The following ZFHX3 variants were observed in gnomAD, a reference collection of about 807,000 sequenced individuals.
ZFHX3 encodes the protein zinc finger homeobox protein 3.
In ZFHX3, 42 loss-of-function variants were observed where a neutral mutation model predicts 279.1. The observed-to-expected ratio is 0.15, with a 90% CI of 0.12 to 0.19. The LOEUF (loss-of-function observed/expected upper bound fraction) is 0.19. ZFHX3 is among the 10% of genes least tolerant of loss of function. ZFHX3 has a pLI of 1.00. For synonymous variants in ZFHX3, 2,293 were observed against 1,957.8 expected, an observed-to-expected ratio of 1.17 and a Z score of -4.52; for missense variants, 4,981 against 4,754.0, an observed-to-expected ratio of 1.05 and a Z score of -1.40.
chr16:72,821,369 C>G (rs1038692058), intron 5 of ZFHX3, among the ~76,000 whole-genome samples: 3 of 152,170 alleles, frequency 2.0e-5, no homozygotes, highest in Admixed American at 2.0e-4. Flanking sequence ...TTGTACAGTA[C>G]AGAGAGATAG....
At chr16:73,701,285 G>T (rs1567555616) in intron 1 of ZFHX3, among the ~76,000 whole-genome samples, 1 of 152,190 alleles carries the variant, frequency 6.6e-6, no homozygotes, top group Non-Finnish European at 1.5e-5. Context: ...TTCAATTTCA[G>T]TAGCTTTTAA....
intron 3 of ZFHX3, among the ~76,000 whole-genome samples, chr16:72,901,583 C>T (rs1251632281): frequency 6.6e-6 from 1 of 152,178 alleles, no homozygotes; most frequent in Non-Finnish European, 1.5e-5. Context: ...CCCTCTAAAT[C>T]AACACTTCTG....
chr16:73,325,928 A>ACAAAAAAACACAC, intron 3 of ZFHX3, among the ~76,000 whole-genome samples: 1 of 145,572 alleles, frequency 6.9e-6, no homozygotes, highest in Non-Finnish European at 1.5e-5. Flanking sequence ...CACACACACA[A>ACAAAAAAACACAC]ACACACACAC....
chr16:73,062,751 C>G (rs993545893), upstream of ZFHX3, among the ~76,000 whole-genome samples: 1 of 151,626 alleles, frequency 6.6e-6, no homozygotes, highest in African/African-American at 2.4e-5. Context: ...AAGAAAACCC[C>G]GTGTGGAGGC....
chr16:73,158,246 G>C (rs1967143422), intron 5 of ZFHX3, among the ~76,000 whole-genome samples: 1 of 152,154 alleles, frequency 6.6e-6, no homozygotes, highest in Admixed American at 6.6e-5. Flanking sequence ...CCTCGCTACA[G>C]TGTTGAAATC....
intron 1 of ZFHX3, among the ~76,000 whole-genome samples, chr16:73,017,805 CA>C (rs2144641674): frequency 6.6e-6 from 1 of 152,262 alleles, no homozygotes; most frequent in South Asian, 2.1e-4. Context: ...AGCAGCAAAC[CA>C]AACAGGCTAA....
intron 3 of ZFHX3, among the ~76,000 whole-genome samples, chr16:73,325,040 TTTGTGTATG>T (rs1363528981): frequency 6.6e-6 from 1 of 152,154 alleles, no homozygotes; most frequent in African/African-American, 2.4e-5. Flanking sequence ...ACAAATCTCT[TTTGTGTATG>T]TTAGAGCTCA....
chr16:73,468,607 C>T (rs1182835704), intron 2 of ZFHX3, among the ~76,000 whole-genome samples: 2 of 152,076 alleles, frequency 1.3e-5, no homozygotes, highest in Non-Finnish European at 2.9e-5. Context: ...TGTGGTGGGA[C>T]ATGCCTGTAA....
chr16:73,275,794 C>T (rs1438299537), intron 4 of ZFHX3, among the ~76,000 whole-genome samples: 3 of 152,144 alleles, frequency 2.0e-5, no homozygotes, highest in Non-Finnish European at 4.4e-5. Context: ...TTGCTTGATG[C>T]AGGGTTGCCA....
At chr16:72,878,595 C>T (rs1402665446) in intron 4 of ZFHX3, among the ~76,000 whole-genome samples, 2 of 152,220 alleles carry the variant, frequency 1.3e-5, no homozygotes, top group Admixed American at 6.5e-5. Context: ...CTTTGCTCAC[C>T]GCAGTCTTAG....
intron 9 of ZFHX3, among the ~76,000 whole-genome samples, chr16:72,792,305 A>G: frequency 6.6e-6 from 1 of 152,236 alleles, no homozygotes. Flanking sequence ...TGAAATGTGC[A>G]TCAGTATTTT....
At chr16:72,859,729 C>T (rs2037836542) in intron 4 of ZFHX3, among the ~76,000 whole-genome samples, 1 of 152,136 alleles carries the variant, frequency 6.6e-6, no homozygotes, top group Non-Finnish European at 1.5e-5. Flanking sequence ...CAAGGAGTTG[C>T]CCAGTGAGGG....
intron 3 of ZFHX3, among the ~76,000 whole-genome samples, chr16:72,949,146 G>A (rs1269570058): frequency 6.6e-6 from 1 of 152,184 alleles, no homozygotes; most frequent in East Asian, 1.9e-4. Context: ...ATAAAATGAA[G>A]TACAATTATC....
intron 5 of ZFHX3, among the ~76,000 whole-genome samples, chr16:72,816,770 C>G (rs768108701): frequency 9.2e-5 from 14 of 152,154 alleles, no homozygotes; most frequent in Non-Finnish European, 1.2e-4. Context: ...CTATTTTATC[C>G]TCTTAGGCTC....
chr16:73,110,689 G>A (rs894377391), intron 7 of ZFHX3, among the ~76,000 whole-genome samples: 8 of 151,918 alleles, frequency 5.3e-5, no homozygotes, highest in African/African-American at 1.9e-4. Flanking sequence ...CCTGCCTCCC[G>A]AGTAGCTGGG....
intron 5 of ZFHX3, among the ~76,000 whole-genome samples, chr16:72,818,286 G>C (rs1460515029): frequency 6.6e-6 from 1 of 152,172 alleles, no homozygotes; most frequent in Non-Finnish European, 1.5e-5. Flanking sequence ...GAAATGCAAT[G>C]TTTCCAGAGG....
At chr16:73,157,430 G>A (rs576312539) in intron 5 of ZFHX3, among the ~76,000 whole-genome samples, 11 of 130,816 alleles carry the variant, frequency 8.4e-5, no homozygotes, top group Non-Finnish European at 6.1e-5. Flanking sequence ...TGATCAATGT[G>A]GAGAAATTGT....
intron 1 of ZFHX3, among the ~76,000 whole-genome samples, chr16:72,986,876 T>C (rs1962870090): frequency 6.6e-6 from 1 of 152,188 alleles, no homozygotes; most frequent in Non-Finnish European, 1.5e-5. Context: ...CCAGGTGCAG[T>C]GGCTCATACC....
intron 1 of ZFHX3, among the ~76,000 whole-genome samples, chr16:73,704,083 G>C (rs142342621): frequency 6.6e-6 from 1 of 152,040 alleles, no homozygotes; most frequent in Non-Finnish European, 1.5e-5. Context: ...TGGAAATTAC[G>C]CAATTTCAGA....
Sources: allele counts gnomAD v4.1 joint callset (sites outside exome capture counted in the v4.1 genomes callset), GRCh38; gene constraint gnomAD v4.1.1; transcripts MANE v1.5; gene names NCBI Gene and HGNC (gene_info 2026-07-23, HGNC 2026-07-21).